Variants in MYBL1 observed in about 807,000 individuals in gnomAD.
The protein encoded by MYBL1 is myb-related protein A.
A neutral mutation model predicts 96.3 loss-of-function variants in MYBL1; 17 were observed. That is an observed-to-expected ratio of 0.18 (90% confidence interval 0.12 to 0.26). The LOEUF is 0.26. MYBL1 is among the 10% of genes least tolerant of loss of function. The pLI, the probability that MYBL1 is intolerant of heterozygous loss-of-function variation, is 1.00. For synonymous variants in MYBL1, 282 were observed against 292.7 expected (o/e 0.96, Z 0.37); for missense variants, 701 against 882.9 (o/e 0.79, Z 2.61).
At chr8:66,603,946 C>G (rs150603785) in intron 1 of MYBL1, among the ~76,000 whole-genome samples, 31 of 150,088 alleles carry the variant, frequency 2.1e-4, no homozygotes, top group African/African-American at 7.7e-4. Flanking sequence ...ACTAGACAAG[C>G]TGAATCTACA....
chr8:66,594,506 AT>A (rs1365741811), intron 6 of MYBL1, among the ~76,000 whole-genome samples: 1 of 152,150 alleles, frequency 6.6e-6, no homozygotes, highest in Non-Finnish European at 1.5e-5. Context: ...TTTCCAACAT[AT>A]TTAGATTAAG....
At position 66,603,253 on chromosome 8, in the gene MYBL1, C is replaced by G. The variant is rs571029161; in HGVS notation, c.21-730G>C. On this transcript the variant is annotated intron_variant, in intron 1 of 15. Transcript: ENST00000522677. ...AATCAGTGACAAGAGTGTGGTGAAA[C>G]TGAAAAAGAAAAACCAATTAGTAAT... Among the ~76,000 whole-genome samples, 3 of 152,060 alleles carry G rather than the reference C, an allele frequency of 2.0e-5. No individual in the cohort carries two copies. In the East Asian group the frequency reaches 5.8e-4, roughly 29 times the overall value.
intron 8 of MYBL1, among the ~76,000 whole-genome samples, chr8:66,583,760 C>A (rs1809306493): frequency 6.6e-6 from 1 of 151,896 alleles, no homozygotes; most frequent in South Asian, 2.1e-4. Context: ...AAGATTGAAC[C>A]AAGAAGAAAC....
chr8:66,595,859 G>T, intron 5 of MYBL1, 102 bp from the exon 6 acceptor site: 1 of 622,132 alleles, frequency 1.6e-6, no homozygotes, highest in South Asian at 3.3e-5. Context: ...TTACACTGAT[G>T]AAATTAGATA....
chr8:66,584,631 G>A lies in MYBL1; in HGVS notation c.868-4265C>T, dbSNP rs1809341718. On this transcript the variant is annotated intron_variant, in intron 8 of 15. Transcript: ENST00000522677. The stretch of plus-strand genomic sequence containing the variant: ...ATCAGCACTTTGGGAGGACAAAGCA[G>A]GAGGATCACTTGAGGTCAGGAGTTC... Among the ~76,000 whole-genome samples the A allele has an allele frequency of 3.3e-5, 5 of 152,144 alleles. No individual in the cohort carries two copies. The South Asian group carries it at 1.0e-3, about 32-fold the overall frequency.
At chr8:66,581,685 T>G (rs1490998627) in intron 8 of MYBL1, among the ~76,000 whole-genome samples, 1 of 151,902 alleles carries the variant, frequency 6.6e-6, no homozygotes. Context: ...AAAAGAAAAT[T>G]AAAAATAAAA....
intron 15 of MYBL1, 55 bp downstream of exon 15, chr8:66,566,009 G>C (rs1808488029): frequency 8.4e-7 from 1 of 1,194,918 alleles, no homozygotes; most frequent in African/African-American, 1.6e-5. Context: ...TAAATCCAAA[G>C]TGATCATTGA....
At chr8:66,586,986 A>C (rs973786196) in intron 8 of MYBL1, among the ~76,000 whole-genome samples, 1 of 152,146 alleles carries the variant, frequency 6.6e-6, no homozygotes, top group Non-Finnish European at 1.5e-5. Context: ...GAAGCTAAAA[A>C]AGTAGATCTC....
At chr8:66,572,697 T>C (rs1563528399) in intron 11 of MYBL1, 101 bp from the exon 12 acceptor site, 4 of 485,748 alleles carry the variant, frequency 8.2e-6, no homozygotes, top group Non-Finnish European at 1.5e-5. Flanking sequence ...TTCTTACACA[T>C]ATATATATGC....
chr8:66,587,564 C>A (rs1809470230), intron 8 of MYBL1, among the ~76,000 whole-genome samples: 1 of 152,030 alleles, frequency 6.6e-6, no homozygotes, highest in South Asian at 2.1e-4. Context: ...GAAAAGAGGC[C>A]TTGAAGAGTT....
chr8:66,564,605 T>C lies in MYBL1; in HGVS notation c.*92A>G. On this transcript the variant is annotated 3_prime_UTR_variant, in exon 16 of 16. Coordinates refer to ENST00000522677, the MANE Select transcript of MYBL1 (RefSeq NM_001080416.4). The stretch of plus-strand genomic sequence containing the variant: ...TATTAAAAGGGCTATCTTACAACTT[T>C]AAAAACAACTAATTGAGAAAAATTT... 1 of 1,130,226 alleles carries C rather than the reference T, an allele frequency of 8.8e-7. No individual in the cohort carries two copies. The highest frequency in any genetic ancestry group is 2.1e-4 in the Middle Eastern group (1 of 4,830). The allele number at this position is 1,130,226 out of a possible 1,614,324, so 70.0% of individuals were successfully genotyped here. A position where few individuals can be genotyped will look rare whatever the true frequency, so the allele number is the denominator to read the frequency against.
In MYBL1 at chr8:66,566,958, C is replaced by A. The variant is rs1178655978; in HGVS notation, c.1763G>T (p.Arg588Leu). Residue 588 changes from arginine to leucine, a missense_variant, in exon 13 of 16, where the codon CGG becomes CTG. Physicochemically the swap from Arg to Leu is moderately radical, Grantham distance 102. Transcript: ENST00000522677. ...TCCAGTTTCTTCTTTTAAAACTTCC[C>A]GAATATCTTCTTCCAAGAAAGCAAG... Reference protein sequence around the residue: ...QPLAFLEEDIREVLKEETGTD... With the variant: ...QPLAFLEEDILEVLKEETGTD... The A allele has an allele frequency of 6.2e-7, 1 of 1,612,832 alleles. No homozygotes were observed. Among genetic ancestry groups the A allele is most frequent in the East Asian group, 2.2e-5 (1 of 44,784 alleles).
chr8:66,612,691 G>C (rs1444081762), intron 1 of MYBL1, 128 bp downstream of exon 1: 1 of 1,155,712 alleles, frequency 8.7e-7, no homozygotes, highest in Non-Finnish European at 1.1e-6. Flanking sequence ...AGCGGCCGCG[G>C]GGACGCGGGA....
chr8:66,585,268 A>G (rs1193987193), intron 8 of MYBL1, among the ~76,000 whole-genome samples: 1 of 146,822 alleles, frequency 6.8e-6, no homozygotes, highest in East Asian at 1.9e-4. Context: ...CTGATGGAAG[A>G]AGAGAGAGTC....
chr8:66,608,855 T>C lies in MYBL1; in HGVS notation c.20+3964A>G, dbSNP rs905156581. ...GCAAAATAAAGTGACATTATTTCTC[T>C]AGTCACAAAGCAATAATAGATTAAT... is the stretch of plus-strand genomic sequence containing the variant. On this transcript the variant is annotated intron_variant, in intron 1 of 15. Transcript: ENST00000522677. 3.9e-5 allele frequency among the ~76,000 whole-genome samples: 6 copies of C among 152,254 alleles called. No individual in the cohort carries two copies. In the East Asian group the frequency reaches 1.2e-3, roughly 29 times the overall value.
Position 66,566,142 on chromosome 8 carries a change from G to C in MYBL1, c.2052C>G (p.Thr684=). The part of the protein sequence containing the change: ...LIPEKQDINS[T]NKTYTLTKKK... ...TTTTAGTAAGTGTATATGTTTTGTT[G>C]GTTGAATTTATATCTTGTTTTTCAG... The change falls in exon 15 of 16, where the codon ACC becomes ACG. Residue 684 remains threonine (T), a synonymous_variant. Coordinates refer to ENST00000522677, the MANE Select transcript of MYBL1 (RefSeq NM_001080416.4). 1 of 1,541,764 alleles carries C rather than the reference G, an allele frequency of 6.5e-7. No homozygotes were observed. The highest frequency in any genetic ancestry group is 8.8e-7 in the Non-Finnish European group (1 of 1,137,924).
At chr8:66,578,031 A>G (rs2129801762) in intron 9 of MYBL1, among the ~76,000 whole-genome samples, 1 of 152,334 alleles carries the variant, frequency 6.6e-6, no homozygotes, top group African/African-American at 2.4e-5. Flanking sequence ...AGCCATATGC[A>G]GAAAGCTGAA....
intron 3 of MYBL1, among the ~76,000 whole-genome samples, chr8:66,599,755 G>A (rs1410382343): frequency 6.6e-6 from 1 of 151,578 alleles, no homozygotes; most frequent in Admixed American, 6.6e-5. Context: ...AGCCGAGATT[G>A]CACCATTGCA....
chr8:66,592,357 T>C, intron 8 of MYBL1, 83 bp downstream of exon 8: 1 of 908,108 alleles, frequency 1.1e-6, no homozygotes, highest in Non-Finnish European at 1.7e-6. Flanking sequence ...GCAGTCATAC[T>C]GAGTATGCTT....
Sources: allele counts gnomAD v4.1 joint callset (sites outside exome capture counted in the v4.1 genomes callset), GRCh38; gene constraint gnomAD v4.1.1; transcripts MANE v1.5; gene names NCBI Gene and HGNC (gene_info 2026-07-23, HGNC 2026-07-21).